Variants in EVC observed in about 807,000 individuals in gnomAD.
The protein encoded by EVC is EvC ciliary complex subunit 1.
A neutral mutation model predicts 118.9 loss-of-function variants in EVC; 116 were observed. The ratio of observed to expected loss-of-function variants is 0.98; its 90% confidence interval spans 0.84 to 1.14. The LOEUF is 1.14. Ranked by LOEUF, EVC falls within the 50% of genes most tolerant of loss-of-function variation. The pLI, the probability that EVC is intolerant of heterozygous loss-of-function variation, is 0.00. For missense variants in EVC, 1,401 were observed against 1,246.4 expected, an observed-to-expected ratio of 1.12 and a Z score of -1.87; for synonymous variants, 619 against 534.7, an observed-to-expected ratio of 1.16 and a Z score of -2.18.
rs542295954 is a variant in EVC, at chr4:5,798,081, G to A, written c.2098-505G>A. On this transcript the variant is annotated intron_variant, in intron 14 of 20. Coordinates refer to ENST00000264956, the MANE Select transcript of EVC (RefSeq NM_153717.3). This position sits in a 1 kb window ranked among gnomAD's most constrained non-coding sequence, Gnocchi z 4.1. ...CAGGAGAGCTCCGAGGAGCAGGCAG[G>A]ACTCACGGACCTCGCTACAGCCCCG... Among the ~76,000 whole-genome samples the A allele has an allele frequency of 2.6e-4, 39 of 152,260 alleles. No homozygotes were observed. The South Asian group carries it at 7.9e-3, about 31-fold the overall frequency.
chr4:5,718,408 C>T (rs2151835008), intron 1 of EVC, among the ~76,000 whole-genome samples: 1 of 152,226 alleles, frequency 6.6e-6, no homozygotes, highest in Middle Eastern at 3.4e-3. Context: ...CCCATTTCTC[C>T]AGAGGGCATG....
chr4:5,796,881 G>C (rs916414824), intron 13 of EVC, 141 bp from the exon 14 acceptor site: 6 of 736,658 alleles, frequency 8.1e-6, no homozygotes, highest in South Asian at 5.8e-5. Context: ...CCATGCCTAA[G>C]AGGATGGCAG....
At chr4:5,779,864 A>G (rs1187033883) in intron 11 of EVC, among the ~76,000 whole-genome samples, 1 of 145,864 alleles carries the variant, frequency 6.9e-6, no homozygotes, top group Non-Finnish European at 1.5e-5. Context: ...CCTGGCCAGA[A>G]CTTCCAACAC....
rs1035642804 is a variant in EVC, at chr4:5,813,949, G to A, written c.*2912G>A. 4 of 152,238 alleles carry A rather than the reference G, an allele frequency of 2.6e-5. No homozygotes were observed. Among genetic ancestry groups the A allele is most frequent in the Non-Finnish European group, 4.4e-5 (3 of 68,062 alleles). 9.4% of individuals were successfully genotyped at this position (152,238 alleles called of 1,614,324 possible). On this transcript the variant is annotated 3_prime_UTR_variant, in exon 21 of 21. Coordinates refer to ENST00000264956, the MANE Select transcript of EVC (RefSeq NM_153717.3). ...CTGTACCTGCCAGCAGGAGCATGAT[G>A]GGGACTTCCATGCTGGAATTGCTCC...
At chr4:5,752,071 A>C (rs1208365497) in intron 8 of EVC, among the ~76,000 whole-genome samples, 2 of 152,086 alleles carry the variant, frequency 1.3e-5, no homozygotes, top group African/African-American at 4.8e-5. Flanking sequence ...GAGGCTGGGG[A>C]GCAGGACTGG....
chr4:5,729,629 A>G (rs187379961), intron 3 of EVC, among the ~76,000 whole-genome samples: 34 of 152,250 alleles, frequency 2.2e-4, no homozygotes, highest in African/African-American at 7.9e-4. Context: ...ACAGTAGGAC[A>G]GCTCCCTCTC....
At chr4:5,796,971 C>T (rs1209441394) in intron 13 of EVC, 51 bp from the exon 14 acceptor site, 2 of 1,394,826 alleles carry the variant, frequency 1.4e-6, no homozygotes, top group African/African-American at 2.8e-5. Context: ...TTGTCACTGG[C>T]TTCGTGAAGC....
chr4:5,784,776 T>A (rs377581363), intron 12 of EVC, among the ~76,000 whole-genome samples: 25 of 151,960 alleles, frequency 1.6e-4, no homozygotes, highest in African/African-American at 5.8e-4. Context: ...CCTGGCTAAT[T>A]TTTGTATTTT....
intron 5 of EVC, among the ~76,000 whole-genome samples, chr4:5,739,668 C>T (rs187932648): frequency 2.0e-5 from 3 of 152,214 alleles, no homozygotes; most frequent in Admixed American, 2.0e-4. Flanking sequence ...ATGCCACAAC[C>T]GCAGAACTGA....
chr4:5,757,377 A>G (rs187288847), intron 11 of EVC, among the ~76,000 whole-genome samples: 25 of 152,296 alleles, frequency 1.6e-4, no homozygotes, highest in African/African-American at 5.5e-4. Context: ...GGAGAAGCTC[A>G]TGCAGTGGTG....
chr4:5,711,385 C>A lies in EVC; in HGVS notation c.5C>A (p.Ala2Asp). 11 of 1,011,612 alleles carry A rather than the reference C, an allele frequency of 1.1e-5. No individual in the cohort carries two copies. Among genetic ancestry groups the A allele is most frequent in the Non-Finnish European group, 1.3e-5 (11 of 849,538 alleles). The allele number at this position is 1,011,612 out of a possible 1,614,324, so 62.7% of individuals were successfully genotyped here. A position where few individuals can be genotyped will look rare whatever the true frequency, so the allele number is the denominator to read the frequency against. ...GCGGCAGCCTGAGCGCCCCGGATGG[C>A]CCGCGGCGGGGCGGCCTGCAAGAGC... M[A>D]RGGAACKSDA... Residue 2 changes from alanine (A) to aspartate (D), a missense_variant, in exon 1 of 21, where the codon GCC (alanine) becomes GAC (aspartate). Coordinates refer to ENST00000264956, the MANE Select transcript of EVC (RefSeq NM_153717.3).
At chr4:5,769,517 C>G (rs10937668) in intron 11 of EVC, among the ~76,000 whole-genome samples, 69,156 of 151,764 alleles carry the variant, frequency 0.46, 16,101 homozygotes, top group Middle Eastern at 0.57. Flanking sequence ...TTTCAGTTCA[C>G]TTGGGATGGA....
chr4:5,825,998 C>A, the EVC span: 3 of 347,896 alleles, frequency 8.6e-6, no homozygotes, highest in Non-Finnish European at 1.6e-5. This position sits in a 1 kb window ranked among gnomAD's most constrained non-coding sequence, Gnocchi z 4.4. Context: ...GTAGCATACA[C>A]GCGTGAACAC....
At chr4:5,804,936 C>A in intron 17 of EVC, 95 bp downstream of exon 17, 1 of 1,118,720 alleles carries the variant, frequency 8.9e-7, no homozygotes, top group Non-Finnish European at 1.3e-6. Context: ...CCGTCGCGTG[C>A]ATTGCCCGTG....
At chr4:5,785,741 C>T (rs1027827050) in intron 12 of EVC, among the ~76,000 whole-genome samples, 2 of 152,220 alleles carry the variant, frequency 1.3e-5, no homozygotes, top group Non-Finnish European at 2.9e-5. Context: ...GGTAAATGTT[C>T]AGGAAAACTT....
At chr4:5,716,459 A>G (rs906946055) in intron 1 of EVC, among the ~76,000 whole-genome samples, 3 of 152,232 alleles carry the variant, frequency 2.0e-5, no homozygotes, top group Non-Finnish European at 4.4e-5. Flanking sequence ...GCTCCTGGTC[A>G]TGACTTCCTC....
In EVC at chr4:5,738,615, T is replaced by C. The variant is rs1353071900; in HGVS notation, c.703-3101T>C. ...AGCTAAAAGATTACAACTTTTTTTT[T>C]TTTTTTAAGACGGAGATCTCAACTC... On this transcript the variant is annotated intron_variant, in intron 5 of 20. Coordinates refer to ENST00000264956, the MANE Select transcript of EVC (RefSeq NM_153717.3). This position sits in a 1 kb window ranked among gnomAD's most constrained non-coding sequence, Gnocchi z 6.5. 6.6e-6 allele frequency among the ~76,000 whole-genome samples: 1 copy of C among 151,998 alleles called. No individual in the cohort carries two copies. The highest frequency in any genetic ancestry group is 1.5e-5 in the Non-Finnish European group (1 of 67,976).
chr4:5,780,419 G>T (rs1735413035), intron 11 of EVC, among the ~76,000 whole-genome samples: 1 of 152,170 alleles, frequency 6.6e-6, no homozygotes, highest in Non-Finnish European at 1.5e-5. Flanking sequence ...TGTAAACTGT[G>T]TTCCAGTTGC....
At chr4:5,753,724 T>A in intron 9 of EVC, 61 bp from the exon 10 acceptor site, 1 of 1,606,304 alleles carries the variant, frequency 6.2e-7, no homozygotes, top group Non-Finnish European at 8.5e-7. Flanking sequence ...AGCATGAGGG[T>A]CCCCACTGAA....
Sources: gnomAD v4.1 joint callset for allele counts (sites outside exome capture counted in the v4.1 genomes callset) on GRCh38, gnomAD v4.1.1 for gene constraint, Gnocchi (gnomAD v3.1) non-coding constraint, MANE v1.5 for transcripts, NCBI Gene and HGNC (gene_info 2026-07-23, HGNC 2026-07-21) for gene names.